The following CACNA1I variants were observed in gnomAD, a reference collection of about 807,000 sequenced individuals.
CACNA1I encodes voltage-dependent T-type calcium channel subunit alpha-1I.
In CACNA1I, 74 loss-of-function variants were observed where a neutral mutation model predicts 201.6. The observed-to-expected ratio is 0.37, with a 90% confidence interval of 0.30 to 0.45. The LOEUF (loss-of-function observed/expected upper bound fraction) is 0.45. Among genes scored for constraint, CACNA1I ranks in the 20% least tolerant of loss-of-function variants. The probability of loss-of-function intolerance (pLI) is 1.00; values close to 1 mark genes in which losing one functional copy is unlikely to be tolerated. For missense variants in CACNA1I, 2,346 were observed against 3,138.1 expected (o/e 0.75, Z 6.03); for synonymous variants, 1,431 against 1,345.2 (o/e 1.06, Z -1.40).
At position 39,658,299 on chromosome 22, in the gene CACNA1I, A is replaced by G. The variant is rs780522354; in HGVS notation, c.2140A>G (p.Ile714Val). The change falls in exon 11 of 37, where the codon ATC becomes GTC. Residue 714 changes from isoleucine to valine, a missense_variant. Coordinates refer to ENST00000402142, the MANE Select transcript of CACNA1I (RefSeq NM_021096.4). ...YNIFDSIIVI[I>V]SIWEIVGQAD... is the part of the protein sequence containing the mutation. ...CATCTTCGACAGCATCATTGTCATC[A>G]TCAGGTACCCCTCCCCCAACCCACC... is the stretch of plus-strand genomic sequence containing the variant. 2.2e-5 allele frequency: 36 copies of G among 1,613,626 alleles called. No individual in the cohort carries two copies. Among genetic ancestry groups the G allele is most frequent in the Non-Finnish European group, 3.0e-5 (35 of 1,179,770 alleles).
chr22:39,606,934 C>G (rs777868082), intron 3 of CACNA1I, among the ~76,000 whole-genome samples: 4 of 152,236 alleles, frequency 2.6e-5, no homozygotes, highest in Non-Finnish European at 5.9e-5. Flanking sequence ...TTGAGACGTT[C>G]TTTATCTGTG....
In CACNA1I at chr22:39,666,599, T is replaced by C. The variant is rs1207223900; in HGVS notation, c.4104+593T>C. The stretch of plus-strand genomic sequence containing the variant: ...TGGGCAGTGCCCCAGGTGAGGGCCC[T>C]TGGCTGGCTGCCTCCCCTTCCCTGC... On this transcript the variant is annotated intron_variant, in intron 23 of 36. Transcript: ENST00000402142. The surrounding 1 kb of genome is among the most constrained non-coding windows in gnomAD (Gnocchi z 4.1). 6.6e-6 allele frequency among the ~76,000 whole-genome samples: 1 copy of C among 152,108 alleles called. No homozygotes were observed. Among genetic ancestry groups the C allele is most frequent in the Non-Finnish European group, 1.5e-5 (1 of 67,998 alleles).
intron 11 of CACNA1I, among the ~76,000 whole-genome samples, chr22:39,658,514 C>T (rs1934896942): frequency 6.6e-6 from 1 of 152,224 alleles, no homozygotes; most frequent in Non-Finnish European, 1.5e-5. Context: ...TGCTATCATT[C>T]CGAGGAAGGG....
In CACNA1I at chr22:39,686,641, T is replaced by TATATATATATATAC. The variant is rs1935895761; in HGVS notation, c.*248_*249insACATATATATATAT. 1 of 147,932 alleles carries TATATATATATATAC rather than the reference T, an allele frequency of 6.8e-6. No homozygotes were observed. The highest frequency in any genetic ancestry group is 1.5e-5 in the Non-Finnish European group (1 of 67,772). The allele number at this position is 147,932 out of a possible 1,614,324, so 9.2% of individuals were successfully genotyped here. On this transcript the variant is annotated 3_prime_UTR_variant, in exon 37 of 37. Coordinates refer to ENST00000402142, the MANE Select transcript of CACNA1I (RefSeq NM_021096.4). Reference sequence around the variant, plus strand: ...ATATATATATGCATATATATATATATATATATATATATGTGTATACACACA... The same window carrying TATATATATATATAC: ...ATATATATATGCATATATATATATATATATATATATATACATATATATATATGTGTATACACACA...
rs1261489984 is a variant in CACNA1I at position 39,676,424 on chromosome 22, A to G, written c.4855-917A>G. Among the ~76,000 whole-genome samples the G allele has an allele frequency of 6.6e-6, 1 of 152,270 alleles. No homozygotes were observed. The highest frequency in any genetic ancestry group is 1.5e-5 in the Non-Finnish European group (1 of 68,048). On this transcript the variant is annotated intron_variant, in intron 29 of 36. Coordinates refer to ENST00000402142, the MANE Select transcript of CACNA1I (RefSeq NM_021096.4). The surrounding 1 kb of genome is among the most constrained non-coding windows in gnomAD (Gnocchi z 4.8). ...TGATTAATGGGGTTTACTTTTCAGC[A>G]GTTAACGTGAACGTTTTCTGAGGGT...
chr22:39,603,707 C>T (rs942994405), intron 3 of CACNA1I, among the ~76,000 whole-genome samples: 8 of 152,178 alleles, frequency 5.3e-5, no homozygotes, highest in African/African-American at 1.9e-4. Context: ...TTACACAAAT[C>T]TTAGAATGAA....
At chr22:39,585,366 T>TTTC (rs1932711033) in intron 1 of CACNA1I, among the ~76,000 whole-genome samples, 1 of 116,050 alleles carries the variant, frequency 8.6e-6, no homozygotes, top group East Asian at 4.0e-4. Context: ...CCCGGGCTTT[T>TTTC]TTTCTTTCTT....
At chr22:39,664,593 C>T in intron 20 of CACNA1I, 146 bp from the exon 21 acceptor site, 1 of 578,574 alleles carries the variant, frequency 1.7e-6, no homozygotes, top group Non-Finnish European at 3.2e-6. Context: ...CCTCCCCTTC[C>T]CTTCGGCCCC....
At chr22:39,574,301 C>T (rs914856432) in intron 1 of CACNA1I, among the ~76,000 whole-genome samples, 4 of 152,284 alleles carry the variant, frequency 2.6e-5, no homozygotes, top group East Asian at 1.9e-4. Context: ...ATTCTGGACC[C>T]GGTGGCTGCA....
intron 1 of CACNA1I, among the ~76,000 whole-genome samples, chr22:39,592,319 C>T (rs916998214): frequency 5.3e-5 from 8 of 152,136 alleles, no homozygotes; most frequent in Non-Finnish European, 7.4e-5. Context: ...TGTGGGGAAA[C>T]GCGGAGGGTT....
At chr22:39,573,333 A>G (rs1569042276) in intron 1 of CACNA1I, among the ~76,000 whole-genome samples, 1 of 152,038 alleles carries the variant, frequency 6.6e-6, no homozygotes, top group Admixed American at 6.5e-5. Context: ...GATGGGCAAT[A>G]CTGCTCTGGG....
In CACNA1I at chr22:39,685,736, C is replaced by T. The variant is rs2146488471; in HGVS notation, c.6028-25C>T. On this transcript the variant is annotated intron_variant, in intron 36 of 36. Coordinates refer to ENST00000402142, the MANE Select transcript of CACNA1I (RefSeq NM_021096.4). The surrounding 1 kb of genome is among the most constrained non-coding windows in gnomAD (Gnocchi z 5.0). ...TGGGGTGGGGGCCGACACAGGCGGC[C>T]TCCACGGCTCCCACCTCCCCCCAGG... The T allele has an allele frequency of 7.0e-7, 1 of 1,433,550 alleles. No individual in the cohort carries two copies. Among genetic ancestry groups the T allele is most frequent in the Non-Finnish European group, 9.1e-7 (1 of 1,103,116 alleles). 88.8% of individuals were successfully genotyped at this position (1,433,550 alleles called of 1,614,324 possible).
At position 39,595,158 on chromosome 22, in the gene CACNA1I, G is replaced by T. The variant is rs185729187; in HGVS notation, c.237-2993G>T. On this transcript the variant is annotated intron_variant, in intron 1 of 36. Coordinates refer to ENST00000402142, the MANE Select transcript of CACNA1I (RefSeq NM_021096.4). ...AAAAAAATTAGCCGGGCGTGGTGGC[G>T]GGCGCCTGTAGTCCCAGCTGCTCAG... Among the ~76,000 whole-genome samples the T allele has an allele frequency of 2.2e-3, 326 of 151,234 alleles. 2 individuals are homozygous for T. Among genetic ancestry groups the T allele is most frequent in the Non-Finnish European group, 3.9e-3 (263 of 67,754 alleles).
chr22:39,664,938 T>C lies in CACNA1I; in HGVS notation c.3851+15T>C, dbSNP rs777614315. 4 of 1,608,278 alleles carry C rather than the reference T, an allele frequency of 2.5e-6. No individual in the cohort carries two copies. In the African/African-American group the frequency reaches 5.3e-5, roughly 21 times the overall value. Reference sequence around the variant, plus strand: ...CGCCCCCTGCGGTGAGGACCCCTCCTGGGCGGATGGGGGAAAGTGTCATGC... The same window carrying C: ...CGCCCCCTGCGGTGAGGACCCCTCCCGGGCGGATGGGGGAAAGTGTCATGC... On this transcript the variant is annotated intron_variant, in intron 21 of 36. Transcript: ENST00000402142.
rs117258270 is a variant in CACNA1I at position 39,643,766 on chromosome 22, A to G, written c.1149+877A>G. 2.0e-4 allele frequency among the ~76,000 whole-genome samples: 31 copies of G among 152,346 alleles called. 1 individual carries two copies. The East Asian group carries it at 5.2e-3, about 26-fold the overall frequency. ...GGGGAGGCTGGGGCCTTGGACCTATAGAAGATGCCCCAGGTAAAAGGAGAG... is the reference window on the plus strand; with the variant it reads ...GGGGAGGCTGGGGCCTTGGACCTATGGAAGATGCCCCAGGTAAAAGGAGAG... On this transcript the variant is annotated intron_variant, in intron 7 of 36. Transcript: ENST00000402142.
chr22:39,613,391 C>G (rs1373442236), intron 3 of CACNA1I, among the ~76,000 whole-genome samples: 1 of 152,190 alleles, frequency 6.6e-6, no homozygotes, highest in Non-Finnish European at 1.5e-5. Flanking sequence ...GAGCTCATCT[C>G]TGCCTGGGGG....
chr22:39,654,566 T>G (rs1934757013), intron 10 of CACNA1I, among the ~76,000 whole-genome samples: 1 of 152,180 alleles, frequency 6.6e-6, no homozygotes. Context: ...AGCAGCCCCT[T>G]ACGTGTCAAG....
At chr22:39,632,322 G>A (rs61400759) in intron 4 of CACNA1I, among the ~76,000 whole-genome samples, 1 of 152,112 alleles carries the variant, frequency 6.6e-6, no homozygotes, top group African/African-American at 2.4e-5. Context: ...GCTGATCGAG[G>A]GTTCTGCTTG....
chr22:39,668,194 C>A, intron 23 of CACNA1I, 98 bp from the exon 24 acceptor site: 1 of 721,674 alleles, frequency 1.4e-6, no homozygotes, highest in Non-Finnish European at 2.5e-6. Context: ...GTCCCTCTGC[C>A]TCCCAAGGGC....
Sources: allele counts gnomAD v4.1 joint callset (sites outside exome capture counted in the v4.1 genomes callset), GRCh38; gene constraint gnomAD v4.1.1; non-coding constraint Gnocchi (gnomAD v3.1); transcripts MANE v1.5; gene names NCBI Gene and HGNC (gene_info 2026-07-23, HGNC 2026-07-21).